ATG14: variants seen among roughly 807,000 people sequenced by gnomAD.
The protein encoded by ATG14 is autophagy related 14.
In ATG14, 35 loss-of-function variants were observed where a neutral mutation model predicts 60.4. The observed-to-expected ratio is 0.58, with a 90% CI of 0.44 to 0.77. The LOEUF is 0.77. Among genes scored for constraint, ATG14 ranks in the 30% least tolerant of loss-of-function variants. The probability of loss-of-function intolerance (pLI) is 0.00; values close to 1 mark genes in which losing one functional copy is unlikely to be tolerated. For missense variants in ATG14, 647 were observed against 626.3 expected (o/e 1.03, Z -0.35); for synonymous variants, 234 against 228.8 (o/e 1.02, Z -0.21).
chr14:55,408,097 A>G (rs1284276502), intron 1 of ATG14, among the ~76,000 whole-genome samples: 1 of 152,198 alleles, frequency 6.6e-6, no homozygotes, highest in Admixed American at 6.5e-5. Context: ...TGTAATCACT[A>G]CTAGAAACCT....
At position 55,369,064 on chromosome 14, in the gene ATG14, T is replaced by TA. The variant is rs1238079841; in HGVS notation, c.*554dup. 1 of 150,740 alleles carries TA rather than the reference T, an allele frequency of 6.6e-6. No homozygotes were observed. Among genetic ancestry groups the TA allele is most frequent in the Non-Finnish European group, 1.5e-5 (1 of 67,276 alleles). 9.3% of individuals were successfully genotyped at this position (150,740 alleles called of 1,614,324 possible). A position where few individuals can be genotyped will look rare whatever the true frequency, so the allele number is the denominator to read the frequency against. On this transcript the variant is annotated 3_prime_UTR_variant, in exon 10 of 10. Coordinates refer to ENST00000247178, the MANE Select transcript of ATG14 (RefSeq NM_014924.5). Reference sequence around the variant, plus strand: ...CAGAGCAGCATGAATAAAATACGTGTAACTCACCCCTCCCAAACAAAATCA... The same window carrying TA: ...CAGAGCAGCATGAATAAAATACGTGTAAACTCACCCCTCCCAAACAAAATCA...
rs766194717 is a variant in ATG14 at position 55,411,698 on chromosome 14, C to T, written c.125G>A (p.Arg42His). Residue 42 changes from arginine (R) to histidine (H), a missense_variant, in exon 1 of 10, where the codon CGC (arginine) becomes CAC (histidine). Physicochemically the swap from Arg to His is conservative, Grantham distance 29 (BLOSUM62 0). Coordinates refer to ENST00000247178, the MANE Select transcript of ATG14 (RefSeq NM_014924.5). ...DAEGLYVAVE[R>H]CPLCNTTRRR... is the part of the protein sequence containing the mutation. ...GCGGGTAGTGTTGCACAGCGGGCAGCGCTCCACAGCCACGTACAGCCCCTC... is the reference window on the plus strand; with the variant it reads ...GCGGGTAGTGTTGCACAGCGGGCAGTGCTCCACAGCCACGTACAGCCCCTC... 1.2e-6 allele frequency: 2 copies of T among 1,612,756 alleles called. No homozygotes were observed. Among genetic ancestry groups the T allele is most frequent in the Non-Finnish European group, 1.7e-6 (2 of 1,179,740 alleles).
rs889512298 is a variant in ATG14, at chr14:55,366,634, A to C, written c.*2985T>G. On this transcript the variant is annotated 3_prime_UTR_variant, in exon 10 of 10. Transcript: ENST00000247178. Reference sequence around the variant, plus strand: ...TGTTTTTCCCCCTTACAGATGTGCAAAACTTTTCTTATATTCCATAACCAA... The same window carrying C: ...TGTTTTTCCCCCTTACAGATGTGCACAACTTTTCTTATATTCCATAACCAA... The C allele has an allele frequency of 1.0e-5, 1 of 98,622 alleles. No individual in the cohort carries two copies. Among genetic ancestry groups the C allele is most frequent in the Admixed American group, 8.0e-5 (1 of 12,482 alleles). The allele number at this position is 98,622 out of a possible 1,614,324, so 6.1% of individuals were successfully genotyped here. A position where few individuals can be genotyped will look rare whatever the true frequency, so the allele number is the denominator to read the frequency against.
At chr14:55,402,967 A>ATATATG (rs1885434397) in intron 1 of ATG14, among the ~76,000 whole-genome samples, 1 of 78,610 alleles carries the variant, frequency 1.3e-5, no homozygotes, top group Non-Finnish European at 2.8e-5. Flanking sequence ...ATATATATAT[A>ATATATG]TAAATAGCTG....
chr14:55,378,579 G>A (rs982697525), intron 7 of ATG14, among the ~76,000 whole-genome samples: 3 of 152,024 alleles, frequency 2.0e-5, no homozygotes, highest in African/African-American at 7.2e-5. Flanking sequence ...CTTTCCTTAG[G>A]GGTCCACACA....
chr14:55,380,480 A>C, intron 7 of ATG14, 93 bp downstream of exon 7: 1 of 816,880 alleles, frequency 1.2e-6, no homozygotes, highest in Middle Eastern at 2.4e-4. Flanking sequence ...TAATACTTAC[A>C]TTCTTATTTT....
intron 7 of ATG14, 85 bp from the exon 8 acceptor site, chr14:55,378,159 T>A: frequency 3.6e-6 from 4 of 1,107,836 alleles, no homozygotes; most frequent in Non-Finnish European, 5.4e-6. Flanking sequence ...CAATTAGGTA[T>A]AACACATACT....
rs759126774 is a variant in ATG14, at chr14:55,390,976, G to A, written c.344C>T (p.Ser115Phe). ...TAACTGTTCAATCCTCATCTTGCAG[G>A]ACATTATTTTCCATCTCTGAAAAAA... The part of the protein sequence containing the change: ...ITDQLRWKIM[S>F]CKMRIEQLKQ... Residue 115 changes from serine to phenylalanine, a missense_variant, in exon 4 of 10, where the codon TCC (serine) becomes TTC (phenylalanine). By Grantham distance (155) the Ser-to-Phe change is radical. Coordinates refer to ENST00000247178, the MANE Select transcript of ATG14 (RefSeq NM_014924.5). 1.2e-6 allele frequency: 2 copies of A among 1,605,540 alleles called. No individual in the cohort carries two copies. The highest frequency in any genetic ancestry group is 2.7e-5 in the African/African-American group (2 of 74,688).
intron 5 of ATG14, among the ~76,000 whole-genome samples, chr14:55,384,255 G>C (rs3783651): frequency 0.3 from 46,215 of 152,110 alleles, 7,310 homozygotes; most frequent in Non-Finnish European, 0.34. Flanking sequence ...TTCTCCTCGT[G>C]TGTGTATTTT....
Position 55,366,607 on chromosome 14 carries a change from ACT to A in ATG14, c.*3010_*3011del, listed in dbSNP as rs1884684341. The stretch of plus-strand genomic sequence containing the variant: ...CGTCCACTCTACCCAATGGTGATAT[ACT>A]GTTTTTCCCCCTTACAGATGTGCAA... On this transcript the variant is annotated 3_prime_UTR_variant, in exon 10 of 10. Coordinates refer to ENST00000247178, the MANE Select transcript of ATG14 (RefSeq NM_014924.5). The A allele has an allele frequency of 6.6e-6, 1 of 151,026 alleles. No individual in the cohort carries two copies. Among genetic ancestry groups the A allele is most frequent in the African/African-American group, 2.5e-5 (1 of 40,462 alleles). The allele number at this position is 151,026 out of a possible 1,614,324, so 9.4% of individuals were successfully genotyped here. A position where few individuals can be genotyped will look rare whatever the true frequency, so the allele number is the denominator to read the frequency against.
At chr14:55,370,579 A>C (rs950039050) in intron 9 of ATG14, among the ~76,000 whole-genome samples, 2 of 152,096 alleles carry the variant, frequency 1.3e-5, no homozygotes, top group Non-Finnish European at 2.9e-5. Flanking sequence ...CTTAGGCCTC[A>C]TCCTCTTTGC....
At chr14:55,383,925 G>C (rs1885080182) in intron 5 of ATG14, among the ~76,000 whole-genome samples, 2 of 152,208 alleles carry the variant, frequency 1.3e-5, no homozygotes, top group African/African-American at 4.8e-5. Context: ...GTAGGAAGCA[G>C]GCAGTCTGGG....
intron 3 of ATG14, among the ~76,000 whole-genome samples, chr14:55,393,222 A>T (rs1270728828): frequency 6.6e-6 from 1 of 152,060 alleles, no homozygotes; most frequent in Non-Finnish European, 1.5e-5. Context: ...TCTACTAAAA[A>T]AACACAAAAA....
chr14:55,385,778 C>T lies in ATG14; in HGVS notation c.647+81G>A, dbSNP rs77327192. On this transcript the variant is annotated intron_variant, in intron 5 of 9. Coordinates refer to ENST00000247178, the MANE Select transcript of ATG14 (RefSeq NM_014924.5). ...AAACCAATGACCCTAGAATAAGACC[C>T]AATAAATAAGGTAATGACATACTTT... The T allele has an allele frequency of 2.9e-3, 3,478 of 1,189,026 alleles. 96 individuals are homozygous for T. In the East Asian group the frequency reaches 0.062, roughly 21 times the overall value. The allele number at this position is 1,189,026 out of a possible 1,614,324, so 73.7% of individuals were successfully genotyped here.
In ATG14 at chr14:55,388,124, G is replaced by A. The variant is rs116871487; in HGVS notation, c.410-2028C>T. ...TGCACTCCAGCCTGGGCGAAAGAGC[G>A]AGACTCCATCTCAAAACCAACAACA... On this transcript the variant is annotated intron_variant, in intron 4 of 9. Coordinates refer to ENST00000247178, the MANE Select transcript of ATG14 (RefSeq NM_014924.5). Among the ~76,000 whole-genome samples the A allele has an allele frequency of 6.6e-3, 1,011 of 152,268 alleles. 9 individuals carry two copies. The highest frequency in any genetic ancestry group is 0.027 in the Middle Eastern group (8 of 294).
rs1815582 is a variant in ATG14, at chr14:55,400,631, G to A, written c.222-3197C>T. Among the ~76,000 whole-genome samples the A allele has an allele frequency of 9.7e-3, 1,475 of 152,242 alleles. 31 individuals are homozygous for A. Among genetic ancestry groups the A allele is most frequent in the African/African-American group, 0.033 (1,361 of 41,514 alleles). ...CAAATAAAATAAACTGGGCCGGTGC[G>A]GTGGCTCACACCTGTAATCGCAGCA... On this transcript the variant is annotated intron_variant, in intron 1 of 9. Coordinates refer to ENST00000247178, the MANE Select transcript of ATG14 (RefSeq NM_014924.5).
intron 6 of ATG14, 104 bp downstream of exon 6, chr14:55,381,858 T>A: frequency 1.1e-6 from 1 of 920,558 alleles, no homozygotes; most frequent in Non-Finnish European, 1.7e-6. Context: ...GTGAATGTAC[T>A]AAATGCCCCT....
At chr14:55,394,966 C>T in intron 3 of ATG14, 1 of 408,462 alleles carries the variant, frequency 2.4e-6, no homozygotes, top group Non-Finnish European at 4.8e-6. Context: ...AAAGCACTGA[C>T]ACTTCAAAGG....
At chr14:55,411,469 G>C (rs1055605105) in intron 1 of ATG14, 133 bp downstream of exon 1, 2 of 896,112 alleles carry the variant, frequency 2.2e-6, no homozygotes, top group African/African-American at 3.4e-5. Context: ...AGAGCAGCTA[G>C]CTACACTCCC....
Sources: gnomAD v4.1 joint callset for allele counts (sites outside exome capture counted in the v4.1 genomes callset) on GRCh38, gnomAD v4.1.1 for gene constraint, MANE v1.5 for transcripts, NCBI Gene and HGNC (gene_info 2026-07-23, HGNC 2026-07-21) for gene names.